Variants in LRRC4C observed in about 807,000 individuals in gnomAD.
LRRC4C encodes the protein leucine rich repeat containing 4C, also known as leucine-rich repeat-containing protein 4C.
LRRC4C carries 5 observed loss-of-function variants against 33.6 expected under a neutral mutation model. That is an observed-to-expected ratio of 0.15 (90% CI 0.08 to 0.31). The LOEUF (loss-of-function observed/expected upper bound fraction) is 0.31. LRRC4C is among the 10% of genes least tolerant of loss of function. LRRC4C has a pLI of 1.00. For missense variants in LRRC4C, 560 were observed against 796.7 expected (o/e 0.70, Z 3.58); for synonymous variants, 329 against 302.0 (o/e 1.09, Z -0.93).
intron 4 of LRRC4C, among the ~76,000 whole-genome samples, chr11:40,256,159 C>A (rs2136217941): frequency 6.6e-6 from 1 of 152,332 alleles, no homozygotes; most frequent in East Asian, 1.9e-4. Flanking sequence ...TAGCAAAGCT[C>A]TCTGGGCATC....
intron 1 of LRRC4C, among the ~76,000 whole-genome samples, chr11:41,445,839 CCA>C: frequency 8.5e-6 from 1 of 117,010 alleles, no homozygotes; most frequent in East Asian, 2.3e-4. Context: ...AAGAGGGAAT[CCA>C]CAGTGTGTAT....
At chr11:41,439,534 C>T (rs1955545214) in intron 1 of LRRC4C, among the ~76,000 whole-genome samples, 1 of 152,066 alleles carries the variant, frequency 6.6e-6, no homozygotes, top group African/African-American at 2.4e-5. Flanking sequence ...TTGCAAACAT[C>T]CAATTTTTTT....
chr11:40,737,607 C>T (rs965112473), intron 2 of LRRC4C, among the ~76,000 whole-genome samples: 1 of 151,844 alleles, frequency 6.6e-6, no homozygotes, highest in African/African-American at 2.4e-5. Context: ...ATCACGAGTG[C>T]CTCTCATTCA....
intron 2 of LRRC4C, among the ~76,000 whole-genome samples, chr11:40,922,937 GC>G (rs2136378530): frequency 6.6e-6 from 1 of 152,210 alleles, no homozygotes; most frequent in African/African-American, 2.4e-5. Context: ...TGATTCTCAT[GC>G]CTCAACCTCC....
At chr11:40,123,653 T>G (rs1248892350) in intron 6 of LRRC4C, among the ~76,000 whole-genome samples, 3 of 151,956 alleles carry the variant, frequency 2.0e-5, no homozygotes, top group Admixed American at 6.6e-5. Flanking sequence ...GATTAAAATG[T>G]CCATATTACA....
chr11:40,491,343 A>G (rs1167613118), intron 3 of LRRC4C, among the ~76,000 whole-genome samples: 1 of 151,982 alleles, frequency 6.6e-6, no homozygotes, highest in Non-Finnish European at 1.5e-5. Flanking sequence ...TTGCTGTGTA[A>G]CAACAAATTT....
intron 2 of LRRC4C, among the ~76,000 whole-genome samples, chr11:40,665,374 ATATATATATATAT>A (rs1459859749): frequency 1.5e-4 from 13 of 88,496 alleles, no homozygotes; most frequent in African/African-American, 3.1e-4. Context: ...GTATATATAT[ATATATATATATAT>A]TATTAGGGGT....
chr11:41,217,135 C>T (rs139785224), intron 1 of LRRC4C, among the ~76,000 whole-genome samples: 1,826 of 152,242 alleles, frequency 0.012, 134 homozygotes, highest in Admixed American at 0.11. Context: ...GTTTGGATTT[C>T]CAAAATTTTG....
At chr11:40,340,423 G>A (rs913780563) in intron 3 of LRRC4C, among the ~76,000 whole-genome samples, 4 of 152,098 alleles carry the variant, frequency 2.6e-5, no homozygotes, top group Admixed American at 6.6e-5. Flanking sequence ...TACCCACCTT[G>A]CTCACTGAAA....
intron 5 of LRRC4C, among the ~76,000 whole-genome samples, chr11:40,183,663 TG>T (rs1830587252): frequency 1.3e-5 from 2 of 152,250 alleles, no homozygotes; most frequent in African/African-American, 4.8e-5. Flanking sequence ...CAGCTTTTTT[TG>T]TTCATTGAAA....
At chr11:40,869,290 A>G (rs184627148) in intron 2 of LRRC4C, among the ~76,000 whole-genome samples, 68 of 152,246 alleles carry the variant, frequency 4.5e-4, no homozygotes, top group African/African-American at 1.6e-3. Flanking sequence ...CAGCTCTAGT[A>G]TTATTATTGA....
chr11:41,165,319 C>A (rs113331417), intron 1 of LRRC4C, among the ~76,000 whole-genome samples: 1 of 151,938 alleles, frequency 6.6e-6, no homozygotes, highest in South Asian at 2.1e-4. Flanking sequence ...CATTGTTGAC[C>A]GAAATGTCAT....
chr11:40,562,918 G>A (rs1487738433), intron 3 of LRRC4C, among the ~76,000 whole-genome samples: 2 of 151,420 alleles, frequency 1.3e-5, no homozygotes, highest in South Asian at 2.1e-4. Context: ...CTTTCTACTC[G>A]ATCATCACTC....
At chr11:40,949,504 TAACAGCGG>T (rs1958589868) in intron 1 of LRRC4C, among the ~76,000 whole-genome samples, 1 of 152,026 alleles carries the variant, frequency 6.6e-6, no homozygotes. Flanking sequence ...CCCATCAGAC[TAACAGCGG>T]ATCTCTCGGC....
chr11:40,734,707 A>G (rs2136829187), intron 2 of LRRC4C, among the ~76,000 whole-genome samples: 1 of 152,322 alleles, frequency 6.6e-6, no homozygotes, highest in South Asian at 2.1e-4. Flanking sequence ...TTTCTTTACA[A>G]TCTAAAAAAA....
intron 5 of LRRC4C, among the ~76,000 whole-genome samples, chr11:40,165,170 C>T (rs1482545725): frequency 6.6e-6 from 1 of 151,906 alleles, no homozygotes; most frequent in Non-Finnish European, 1.5e-5. Context: ...ATTTATCTTG[C>T]TTTGTGTTTG....
chr11:40,530,209 A>C (rs555695483), intron 3 of LRRC4C, among the ~76,000 whole-genome samples: 2 of 152,096 alleles, frequency 1.3e-5, no homozygotes, highest in African/African-American at 4.8e-5. Context: ...GAACTCTAAA[A>C]TTATGATTTT....
intron 1 of LRRC4C, among the ~76,000 whole-genome samples, chr11:40,976,106 C>T (rs1325810633): frequency 1.3e-5 from 2 of 152,154 alleles, no homozygotes; most frequent in African/African-American, 4.8e-5. Context: ...GATTATATTG[C>T]TTAACAAACT....
At chr11:40,328,173 G>C (rs1011724535) in intron 3 of LRRC4C, among the ~76,000 whole-genome samples, 1 of 152,100 alleles carries the variant, frequency 6.6e-6, no homozygotes, top group African/African-American at 2.4e-5. Context: ...GGCCTGTGAA[G>C]GGTTGGAAAG....
Sources: gnomAD v4.1 joint callset for allele counts (sites outside exome capture counted in the v4.1 genomes callset) on GRCh38, gnomAD v4.1.1 for gene constraint, MANE v1.5 for transcripts, NCBI Gene and HGNC (gene_info 2026-07-23, HGNC 2026-07-21) for gene names.